ERCC6L2: variants seen among roughly 807,000 people sequenced by gnomAD.
ERCC6L2 encodes ERCC excision repair 6 like 2, also known as DNA excision repair protein ERCC-6-like 2.
ERCC6L2 carries 77 observed loss-of-function variants against 132.0 expected under a neutral mutation model. The observed-to-expected ratio is 0.58, with a 90% CI of 0.49 to 0.71. The LOEUF (loss-of-function observed/expected upper bound fraction) is 0.71. Ranked by LOEUF, ERCC6L2 falls within the 30% of genes least tolerant of loss-of-function variation. ERCC6L2 has a pLI of 0.00. For missense variants in ERCC6L2, 1,542 were observed against 1,837.6 expected, an observed-to-expected ratio of 0.84 and a Z score of 2.94; for synonymous variants, 583 against 632.4, an observed-to-expected ratio of 0.92 and a Z score of 1.17.
intron 14 of ERCC6L2, among the ~76,000 whole-genome samples, chr9:95,970,361 A>C (rs532406151): frequency 6.6e-6 from 1 of 152,188 alleles, no homozygotes; most frequent in East Asian, 1.9e-4. Context: ...AAACTTTAAC[A>C]CAAGAATTAA....
intron 3 of ERCC6L2, 135 bp from the exon 4 acceptor site, chr9:95,906,943 C>A: frequency 1.5e-6 from 1 of 646,350 alleles, no homozygotes. Context: ...TAGCTAATCA[C>A]TCAGTTGTAT....
At chr9:95,992,015 T>C (rs1175790251) in intron 17 of ERCC6L2, among the ~76,000 whole-genome samples, 2 of 152,186 alleles carry the variant, frequency 1.3e-5, no homozygotes, top group African/African-American at 2.4e-5. Context: ...TAACTACATA[T>C]CTGTATGAGA....
At position 96,017,692 on chromosome 9, in the gene ERCC6L2, C is replaced by T. The variant is rs1564307830; in HGVS notation, c.*4489C>T. ...GAGAGGTGCTTCAGTTGCCCCACCA[C>T]GACTTCCAGCGCCCCCCATCTCTGT... On this transcript the variant is annotated 3_prime_UTR_variant, in exon 19 of 19. Transcript: ENST00000653738. 6.6e-6 allele frequency among the ~76,000 whole-genome samples: 1 copy of T among 152,234 alleles called. No homozygotes were observed.
intron 3 of ERCC6L2, among the ~76,000 whole-genome samples, chr9:95,898,425 T>C (rs1254044816): frequency 6.6e-6 from 1 of 152,134 alleles, no homozygotes; most frequent in East Asian, 1.9e-4. Context: ...AAATATGAAA[T>C]AAGTTCTACC....
intron 2 of ERCC6L2, among the ~76,000 whole-genome samples, chr9:95,889,525 C>G (rs1358304082): frequency 6.6e-6 from 1 of 151,906 alleles, no homozygotes; most frequent in African/African-American, 2.4e-5. Flanking sequence ...TACACTTAAA[C>G]TGTAAAATGC....
chr9:95,974,996 G>T (rs899297569), intron 16 of ERCC6L2, among the ~76,000 whole-genome samples: 10 of 151,930 alleles, frequency 6.6e-5, no homozygotes, highest in African/African-American at 2.4e-4. Flanking sequence ...CCCCATGTTT[G>T]CTCATTTGCT....
In ERCC6L2 at chr9:95,921,258, A is replaced by G. The variant is rs1349102841; in HGVS notation, c.1242A>G (p.Gln414=). ...LETEDVTLIL[Q]SSEPCTCRSG... Reference sequence around the variant, plus strand: ...CAGAGGACGTGACTTTGATACTTCAATCTTCTGAGCCTTGTACCTGTAGGA... The same window carrying G: ...CAGAGGACGTGACTTTGATACTTCAGTCTTCTGAGCCTTGTACCTGTAGGA... Residue 414 remains glutamine (Q), a synonymous_variant, in exon 7 of 19, where the codon CAA becomes CAG. Transcript: ENST00000653738. The G allele has an allele frequency of 1.1e-5, 17 of 1,613,750 alleles. No individual in the cohort carries two copies. Among genetic ancestry groups the G allele is most frequent in the Middle Eastern group, 1.7e-4 (1 of 6,056 alleles).
Position 96,012,635 on chromosome 9 carries a change from G to T in ERCC6L2, c.4085G>T (p.Ser1362Ile). The T allele has an allele frequency of 4.4e-6, 6 of 1,367,572 alleles. No individual in the cohort carries two copies. Among genetic ancestry groups the T allele is most frequent in the African/African-American group, 1.5e-5 (1 of 67,830 alleles). 84.7% of individuals were successfully genotyped at this position (1,367,572 alleles called of 1,614,324 possible). ...GCAGAAACTAAGAAATCACCTGTTA[G>T]TTCTACTCAAGAGATTGACAGTGGG... The part of the protein sequence containing the change: ...NDAETKKSPV[S>I]STQEIDSGKN... The change falls in exon 19 of 19, where the codon AGT becomes ATT. Residue 1362 changes from serine to isoleucine, a missense_variant. Physicochemically the swap from Ser to Ile is moderately radical, Grantham distance 142. Transcript: ENST00000653738.
rs1282119509 is a variant in ERCC6L2, at chr9:95,875,836, C to G, written c.-203C>G. ...GCCGCCGCTCCGGACGTCGCCCTCC[C>G]GTTCTGCTTGGGTCCCCTTAGTCGC... On this transcript the variant is annotated 5_prime_UTR_variant, in exon 1 of 19. Transcript: ENST00000653738. The G allele has an allele frequency of 2.2e-5, 13 of 585,888 alleles. 1 individual carries two copies. The highest frequency in any genetic ancestry group is 2.4e-5 in the Non-Finnish European group (8 of 327,232). The allele number at this position is 585,888 out of a possible 1,614,324, so 36.3% of individuals were successfully genotyped here.
chr9:95,916,782 A>G (rs1829618360), intron 6 of ERCC6L2, among the ~76,000 whole-genome samples: 1 of 150,920 alleles, frequency 6.6e-6, no homozygotes, highest in Admixed American at 6.6e-5. Context: ...TCCCAAGTTC[A>G]AGCGATTCTG....
chr9:95,893,901 A>G (rs1828302082), intron 2 of ERCC6L2, among the ~76,000 whole-genome samples: 1 of 152,098 alleles, frequency 6.6e-6, no homozygotes, highest in South Asian at 2.1e-4. Flanking sequence ...TGTTATTTTC[A>G]TAAGTTTTTG....
rs1834158809 is a variant in ERCC6L2 at position 96,015,171 on chromosome 9, CCA to C, written c.*1970_*1971del. Among the ~76,000 whole-genome samples the C allele has an allele frequency of 6.6e-6, 1 of 150,824 alleles. No homozygotes were observed. The highest frequency in any genetic ancestry group is 1.5e-5 in the Non-Finnish European group (1 of 67,750). ...GAGTAGCTAGGATTACAGGTGTGTA[CCA>C]CCACACTCAGCTAAACATTTTTTTT... On this transcript the variant is annotated 3_prime_UTR_variant, in exon 19 of 19. Coordinates refer to ENST00000653738, the MANE Select transcript of ERCC6L2 (RefSeq NM_020207.7).
intron 1 of ERCC6L2, chr9:95,876,609 G>C (rs1827284483): frequency 6.6e-6 from 1 of 152,340 alleles, no homozygotes; most frequent in African/African-American, 2.4e-5. Context: ...TTTAAAGAAG[G>C]TGTGATTATC....
chr9:95,986,731 A>G (rs1833111330), intron 17 of ERCC6L2, among the ~76,000 whole-genome samples: 2 of 152,020 alleles, frequency 1.3e-5, no homozygotes, highest in South Asian at 2.1e-4. Flanking sequence ...TCCTGACCTC[A>G]GGTGATCCAC....
rs1833412770 is a variant in ERCC6L2 at position 95,994,626 on chromosome 9, T to TC, written c.3493-9893dup. Among the ~76,000 whole-genome samples the TC allele has an allele frequency of 2.0e-5, 3 of 152,210 alleles. No homozygotes were observed. The South Asian group carries it at 6.2e-4, about 32-fold the overall frequency. ...CCCTGTGCACCATCCTCCCAAGCCT[T>TC]CTCTGCACCTTGGAGTATACAGATG... On this transcript the variant is annotated intron_variant, in intron 17 of 18. Coordinates refer to ENST00000653738, the MANE Select transcript of ERCC6L2 (RefSeq NM_020207.7).
At chr9:95,979,135 A>C (rs1832790618) in intron 17 of ERCC6L2, among the ~76,000 whole-genome samples, 1 of 152,204 alleles carries the variant, frequency 6.6e-6, no homozygotes, top group Admixed American at 6.5e-5. Flanking sequence ...TATTATATTA[A>C]AATGGCTAAT....
chr9:95,898,002 C>T, intron 3 of ERCC6L2, 31 bp downstream of exon 3: 4 of 1,562,380 alleles, frequency 2.6e-6, no homozygotes, highest in Non-Finnish European at 3.5e-6. Context: ...ATATTCTACT[C>T]ATGATGCTGG....
chr9:96,027,542 C>G (rs77461159), intron 19 of ERCC6L2: 9 of 152,128 alleles, frequency 5.9e-5, no homozygotes, highest in Non-Finnish European at 1.2e-4. Flanking sequence ...CGAAGGCCCC[C>G]GCGTGGAGGC....
At chr9:95,922,496 A>G (rs948299650) in intron 8 of ERCC6L2, 78 bp downstream of exon 8, 23 of 858,108 alleles carry the variant, frequency 2.7e-5, no homozygotes, top group Non-Finnish European at 3.8e-5. Flanking sequence ...GTTATTAAAT[A>G]AAGTTTTTGT....
Sources: gnomAD v4.1 joint callset for allele counts (sites outside exome capture counted in the v4.1 genomes callset) on GRCh38, gnomAD v4.1.1 for gene constraint, MANE v1.5 for transcripts, NCBI Gene and HGNC (gene_info 2026-07-23, HGNC 2026-07-21) for gene names.